The following ATP8B1 variants were observed in gnomAD, a reference collection of about 807,000 sequenced individuals.
ATP8B1 encodes the protein ATPase phospholipid transporting 8B1, also known as phospholipid-transporting ATPase IC.
ATP8B1 carries 80 observed loss-of-function variants against 149.9 expected under a neutral mutation model. That is an observed-to-expected ratio of 0.53 (90% CI 0.45 to 0.64). The LOEUF (loss-of-function observed/expected upper bound fraction) is 0.64. ATP8B1 is among the 30% of genes least tolerant of loss of function. The pLI, the probability that ATP8B1 is intolerant of heterozygous loss-of-function variation, is 0.00. For synonymous variants in ATP8B1, 536 were observed against 562.8 expected (o/e 0.95, Z 0.67); for missense variants, 1,247 against 1,552.6 (o/e 0.80, Z 3.31).
In ATP8B1 at chr18:57,802,236, C is replaced by G. The variant is rs1174178243; in HGVS notation, c.-26+762G>C. 2.0e-5 allele frequency among the ~76,000 whole-genome samples: 3 copies of G among 152,154 alleles called. No homozygotes were observed. Among genetic ancestry groups the G allele is most frequent in the Non-Finnish European group, 4.4e-5 (3 of 68,006 alleles). Reference sequence around the variant, plus strand: ...TCTCTGCAACATCTCCCCGCGCCCCCCAACAAGTTGCCCCTCCTCGTGCAC... The same window carrying G: ...TCTCTGCAACATCTCCCCGCGCCCCGCAACAAGTTGCCCCTCCTCGTGCAC... On this transcript the variant is annotated intron_variant, in intron 1 of 27. Coordinates refer to ENST00000648908, the MANE Select transcript of ATP8B1 (RefSeq NM_001374385.1). This position sits in a 1 kb window ranked among gnomAD's most constrained non-coding sequence, Gnocchi z 4.9.
At chr18:57,759,743 C>G (rs146752977) in intron 1 of ATP8B1, among the ~76,000 whole-genome samples, 4 of 151,530 alleles carry the variant, frequency 2.6e-5, no homozygotes, top group African/African-American at 4.9e-5. Flanking sequence ...GGCATGAACC[C>G]GGGAGGCGGA....
chr18:57,755,855 G>A (rs62092626), intron 1 of ATP8B1, among the ~76,000 whole-genome samples: 43,743 of 151,830 alleles, frequency 0.29, 7,340 homozygotes, highest in African/African-American at 0.47. Context: ...AATTAACGGC[G>A]CAGCACTGCC....
intron 12 of ATP8B1, among the ~76,000 whole-genome samples, chr18:57,689,756 G>A (rs192050831): frequency 1.3e-5 from 2 of 152,300 alleles, no homozygotes; most frequent in Non-Finnish European, 2.9e-5. Context: ...GGTGGCTCAC[G>A]CCTGTAATTC....
intron 1 of ATP8B1, among the ~76,000 whole-genome samples, chr18:57,752,723 C>T (rs544723361): frequency 8.5e-5 from 13 of 152,178 alleles, no homozygotes; most frequent in Admixed American, 4.6e-4. Flanking sequence ...TTTATAATTG[C>T]ACTTCACAGC....
chr18:57,675,001 G>C lies in ATP8B1; in HGVS notation c.1652C>G (p.Ala551Gly), dbSNP rs1356673393. ...TACCAGGGCACCTTCATCGGGAGAG[G>C]CTGCCTGGTAGTTGAGCTGACCTAA... is the stretch of plus-strand genomic sequence containing the variant. Reference protein sequence around the residue: ...RTDGQLNYQAASPDEGALVNA... With the variant: ...RTDGQLNYQAGSPDEGALVNA... Residue 551 changes from alanine (A) to glycine (G), a missense_variant, in exon 16 of 28, where the codon GCC becomes GGC. Coordinates refer to ENST00000648908, the MANE Select transcript of ATP8B1 (RefSeq NM_001374385.1). 5 of 1,614,006 alleles carry C rather than the reference G, an allele frequency of 3.1e-6. No homozygotes were observed. Among genetic ancestry groups the C allele is most frequent in the African/African-American group, 1.3e-5 (1 of 74,944 alleles).
chr18:57,758,017 TA>T (rs2080101990), intron 1 of ATP8B1, among the ~76,000 whole-genome samples: 1 of 151,996 alleles, frequency 6.6e-6, no homozygotes, highest in South Asian at 2.1e-4. Flanking sequence ...AAATATAACT[TA>T]AAAAAATAGG....
intron 1 of ATP8B1, among the ~76,000 whole-genome samples, chr18:57,773,818 C>G (rs1280687612): frequency 6.6e-6 from 1 of 152,102 alleles, no homozygotes; most frequent in Non-Finnish European, 1.5e-5. Context: ...CTCTGCCTTC[C>G]AAATGTTTCC....
intron 16 of ATP8B1, among the ~76,000 whole-genome samples, chr18:57,674,286 T>C (rs1318053872): frequency 6.8e-6 from 1 of 147,302 alleles, no homozygotes; most frequent in Non-Finnish European, 1.5e-5. Flanking sequence ...AAGAGAGGGA[T>C]TAAAAAAGAA....
At chr18:57,758,084 C>T (rs2080103034) in intron 1 of ATP8B1, among the ~76,000 whole-genome samples, 1 of 152,072 alleles carries the variant, frequency 6.6e-6, no homozygotes, top group Non-Finnish European at 1.5e-5. Context: ...ATCATTTGGT[C>T]CTCAGCTCAA....
chr18:57,783,192 A>G (rs1470719744), intron 1 of ATP8B1, among the ~76,000 whole-genome samples: 2 of 152,140 alleles, frequency 1.3e-5, no homozygotes, highest in East Asian at 1.9e-4. Context: ...CAGAGAACAC[A>G]CTATTCAGGT....
intron 2 of ATP8B1, among the ~76,000 whole-genome samples, chr18:57,717,741 TGG>T (rs1272370060): frequency 6.6e-6 from 1 of 151,420 alleles, no homozygotes; most frequent in Non-Finnish European, 1.5e-5. Context: ...TGGTTTGGTT[TGG>T]TTTTTTTTTG....
chr18:57,655,933 C>A (rs1333516629), intron 22 of ATP8B1, among the ~76,000 whole-genome samples: 2 of 152,184 alleles, frequency 1.3e-5, no homozygotes, highest in Non-Finnish European at 2.9e-5. Context: ...GAATTAGGTT[C>A]CACTGTTTAG....
At chr18:57,714,330 C>T (rs557843672) in intron 2 of ATP8B1, among the ~76,000 whole-genome samples, 5 of 122,584 alleles carry the variant, frequency 4.1e-5, no homozygotes, top group Middle Eastern at 7.6e-3. Flanking sequence ...CAGATGGCAT[C>T]TCTGGATCTG....
At position 57,669,328 on chromosome 18, in the gene ATP8B1, T is replaced by C; in HGVS notation, c.2087A>G (p.Lys696Arg). Residue 696 changes from lysine to arginine, a missense_variant, in exon 18 of 28, where the codon AAA (lysine) becomes AGA (arginine). Physicochemically the swap from Lys to Arg is conservative, Grantham distance 26 (BLOSUM62 2). Around this residue, in one of 3 missense-constraint regions of ATP8B1, gnomAD observed 853 missense variants for 1,035.7 expected, o/e 0.82. Transcript: ENST00000648908. ...ALDKVYEEIE[K>R]DLILLGATAI... ...AAGGCTAAAACTCACAATTAAGTCT[T>C]TTTCAATCTCCTCATATACTTTATC... 2 of 1,601,160 alleles carry C rather than the reference T, an allele frequency of 1.2e-6. No individual in the cohort carries two copies. The highest frequency in any genetic ancestry group is 1.7e-6 in the Non-Finnish European group (2 of 1,175,900).
In ATP8B1 at chr18:57,731,667, G is replaced by T. The variant is rs760501035; in HGVS notation, c.141C>A (p.Val47=). 75 of 1,614,034 alleles carry T rather than the reference G, an allele frequency of 4.6e-5. No individual in the cohort carries two copies. In the South Asian group the frequency reaches 7.7e-4, roughly 17 times the overall value. The change falls in exon 2 of 28, where the codon GTC becomes GTA. Residue 47 remains valine, a synonymous_variant. Coordinates refer to ENST00000648908, the MANE Select transcript of ATP8B1 (RefSeq NM_001374385.1). Reference sequence around the variant, plus strand: ...CCCGGTTCTCCTCTGCTTCCCTGTTGACTCGGTTTTGTTCTGGTTCAACAG... The same window carrying T: ...CCCGGTTCTCCTCTGCTTCCCTGTTTACTCGGTTTTGTTCTGGTTCAACAG... ...GSAVEPEQNR[V]NREAEENREP...
At chr18:57,719,587 C>T (rs2079619059) in intron 2 of ATP8B1, among the ~76,000 whole-genome samples, 1 of 152,216 alleles carries the variant, frequency 6.6e-6, no homozygotes, top group South Asian at 2.1e-4. Flanking sequence ...GACTATATCC[C>T]ACACCTGGCT....
chr18:57,657,244 AT>A (rs149652508), intron 22 of ATP8B1, among the ~76,000 whole-genome samples: 3 of 150,272 alleles, frequency 2.0e-5, no homozygotes, highest in African/African-American at 4.9e-5. Flanking sequence ...ACCTTAAGAC[AT>A]TTTTTTTTTC....
chr18:57,757,193 T>A (rs2080093215), intron 1 of ATP8B1, among the ~76,000 whole-genome samples: 1 of 152,242 alleles, frequency 6.6e-6, no homozygotes, highest in South Asian at 2.1e-4. Flanking sequence ...TGTCCATAAT[T>A]ATTTTGGTGT....
rs370604131 is a variant in ATP8B1, at chr18:57,673,166, G to A, written c.1820-1586C>T. On this transcript the variant is annotated intron_variant, in intron 16 of 27. Coordinates refer to ENST00000648908, the MANE Select transcript of ATP8B1 (RefSeq NM_001374385.1). ...AATCATGAGGGAACATCAGACAAACGCAAATGGAGGGATAGCCTATAAAAT... is the reference window on the plus strand; with the variant it reads ...AATCATGAGGGAACATCAGACAAACACAAATGGAGGGATAGCCTATAAAAT... Among the ~76,000 whole-genome samples, 31 of 151,238 alleles carry A rather than the reference G, an allele frequency of 2.0e-4. No individual in the cohort carries two copies. The East Asian group carries it at 3.1e-3, about 15-fold the overall frequency.
Sources: gnomAD v4.1 joint callset for allele counts (sites outside exome capture counted in the v4.1 genomes callset) on GRCh38, gnomAD v4.1.1 for gene constraint, gnomAD v4.1.1 regional missense constraint, Gnocchi (gnomAD v3.1) non-coding constraint, MANE v1.5 for transcripts, NCBI Gene and HGNC (gene_info 2026-07-23, HGNC 2026-07-21) for gene names.